Variants in ADGRL4 observed in about 807,000 individuals in gnomAD.
ADGRL4 encodes the protein EGF, latrophilin and seven transmembrane domain containing 1.
In ADGRL4, 90 loss-of-function variants were observed where a neutral mutation model predicts 74.8. That is an observed-to-expected ratio of 1.20 (90% CI 1.02 to 1.43). ADGRL4 has a LOEUF of 1.43. ADGRL4 is among the 40% of genes most tolerant of loss of function. ADGRL4 has a pLI of 0.00. For missense variants in ADGRL4, 881 were observed against 814.3 expected (o/e 1.08, Z -1.00); for synonymous variants, 311 against 279.2 (o/e 1.11, Z -1.14).
chr1:78,922,636 A>G (rs960065935), intron 8 of ADGRL4, among the ~76,000 whole-genome samples: 4 of 152,036 alleles, frequency 2.6e-5, no homozygotes, highest in Admixed American at 1.3e-4. Flanking sequence ...ATTTAGTTAT[A>G]TAACAATTTA....
At chr1:78,928,376 C>T (rs1649162770) in intron 7 of ADGRL4, among the ~76,000 whole-genome samples, 1 of 151,346 alleles carries the variant, frequency 6.6e-6, no homozygotes, top group Non-Finnish European at 1.5e-5. Flanking sequence ...CCTATGATTT[C>T]TCACTAATTT....
intron 2 of ADGRL4, among the ~76,000 whole-genome samples, chr1:78,953,013 T>C (rs1479578705): frequency 1.3e-5 from 2 of 152,180 alleles, no homozygotes; most frequent in Admixed American, 1.3e-4. Context: ...CCGTTTTATA[T>C]TATTATCATT....
chr1:78,997,382 G>T (rs1249231360), intron 2 of ADGRL4, among the ~76,000 whole-genome samples: 1 of 152,096 alleles, frequency 6.6e-6, no homozygotes, highest in Non-Finnish European at 1.5e-5. Flanking sequence ...ATCTTATGGT[G>T]GTTTTTAGGC....
At chr1:78,999,819 T>TCTAA (rs1457392968) in intron 2 of ADGRL4, among the ~76,000 whole-genome samples, 1 of 149,256 alleles carries the variant, frequency 6.7e-6, no homozygotes, top group Non-Finnish European at 1.5e-5. Flanking sequence ...TATCTATCTA[T>TCTAA]CTATCTATCT....
At chr1:78,918,167 C>A (rs1252046650) in intron 10 of ADGRL4, 117 bp from the exon 11 acceptor site, 2 of 730,062 alleles carry the variant, frequency 2.7e-6, no homozygotes, top group Non-Finnish European at 4.5e-6. Context: ...AAGTATGCCA[C>A]TTTATATAAT....
chr1:78,961,768 G>A (rs1462982950), intron 2 of ADGRL4, among the ~76,000 whole-genome samples: 1 of 152,096 alleles, frequency 6.6e-6, no homozygotes, highest in African/African-American at 2.4e-5. Flanking sequence ...AGCTTTGCAG[G>A]CATGTGACTA....
chr1:78,920,316 G>A lies in ADGRL4; in HGVS notation c.1328C>T (p.Ala443Val). ...GAACCAGAAGGTAAAAATGCATATGGCAAGACAAATCAGTGAAATAATTAT... is the reference window on the plus strand; with the variant it reads ...GAACCAGAAGGTAAAAATGCATATGACAAGACAAATCAGTGAAATAATTAT... ...LGIIISLICLAICIFTFWFFS... is the reference protein window; with the variant it reads ...LGIIISLICLVICIFTFWFFS... Residue 443 changes from alanine (A) to valine (V), a missense_variant, in exon 10 of 15, where the codon GCC becomes GTC. Physicochemically the swap from Ala to Val is moderately conservative, Grantham distance 64. Coordinates refer to ENST00000370742, the MANE Select transcript of ADGRL4 (RefSeq NM_022159.4). 6.2e-7 allele frequency: 1 copy of A among 1,610,110 alleles called. No individual in the cohort carries two copies. The highest frequency in any genetic ancestry group is 8.5e-7 in the Non-Finnish European group (1 of 1,177,190).
intron 12 of ADGRL4, among the ~76,000 whole-genome samples, chr1:78,911,936 G>C (rs935622928): frequency 6.6e-6 from 1 of 151,802 alleles, no homozygotes; most frequent in Non-Finnish European, 1.5e-5. Context: ...ACTTAATCTT[G>C]CTTCCTCATT....
At position 79,006,722 on chromosome 1, in the gene ADGRL4, C is replaced by A. The variant is rs368973951; in HGVS notation, c.-68G>T. The stretch of plus-strand genomic sequence containing the variant: ...AGTGAGTGCGGCTGTGGACCCGGGA[C>A]CGGGCGCCGCTGGGCGGGCGCGGCA... On this transcript the variant is annotated 5_prime_UTR_variant, in exon 1 of 15. Transcript: ENST00000370742. 5.1e-4 allele frequency: 713 copies of A among 1,397,012 alleles called. 8 individuals carry two copies. In the East Asian group the frequency reaches 0.018, roughly 36 times the overall value. The allele number at this position is 1,397,012 out of a possible 1,614,324, so 86.5% of individuals were successfully genotyped here.
chr1:78,912,264 A>G (rs770002873), intron 12 of ADGRL4, among the ~76,000 whole-genome samples: 3 of 152,074 alleles, frequency 2.0e-5, no homozygotes, highest in Admixed American at 6.6e-5. Flanking sequence ...GAATCCCTTC[A>G]TCAACTGACT....
At chr1:78,980,765 G>C (rs17406004) in intron 2 of ADGRL4, among the ~76,000 whole-genome samples, 17,819 of 151,928 alleles carry the variant, frequency 0.12, 1,164 homozygotes, top group Middle Eastern at 0.16. Context: ...TCATCCCACA[G>C]AGATGAGAAA....
chr1:78,909,984 A>G (rs1227354854), intron 12 of ADGRL4, among the ~76,000 whole-genome samples: 2 of 151,886 alleles, frequency 1.3e-5, no homozygotes, highest in East Asian at 3.9e-4. Flanking sequence ...TCTAACAAGG[A>G]AAAATGAATA....
At chr1:78,950,226 G>T (rs1649692850) in intron 2 of ADGRL4, among the ~76,000 whole-genome samples, 1 of 152,040 alleles carries the variant, frequency 6.6e-6, no homozygotes, top group Admixed American at 6.6e-5. Context: ...AACAAAAGGG[G>T]TCCCCACAAT....
chr1:78,923,135 T>G (rs1649036937), intron 8 of ADGRL4, among the ~76,000 whole-genome samples: 1 of 151,776 alleles, frequency 6.6e-6, no homozygotes, highest in Non-Finnish European at 1.5e-5. Context: ...TTCTTTTAGT[T>G]CCTAAAAGAG....
chr1:78,901,079 T>C lies in ADGRL4; in HGVS notation c.1750-7890A>G, dbSNP rs764826124. Among the ~76,000 whole-genome samples, 5 of 152,268 alleles carry C rather than the reference T, an allele frequency of 3.3e-5. No homozygotes were observed. The East Asian group carries it at 7.7e-4, about 24-fold the overall frequency. On this transcript the variant is annotated intron_variant, in intron 12 of 14. Coordinates refer to ENST00000370742, the MANE Select transcript of ADGRL4 (RefSeq NM_022159.4). The stretch of plus-strand genomic sequence containing the variant: ...GTCCTTCACATAGGATTGCCAGATG[T>C]TGTAAATAAAAATATAGGATACCAG...
At chr1:78,977,639 A>G (rs569748091) in intron 2 of ADGRL4, among the ~76,000 whole-genome samples, 14 of 152,090 alleles carry the variant, frequency 9.2e-5, no homozygotes, top group African/African-American at 3.1e-4. Context: ...ATGAAATAGA[A>G]CAGAGATCCA....
intron 12 of ADGRL4, 57 bp from the exon 13 acceptor site, chr1:78,893,246 A>G (rs1648327397): frequency 1.0e-6 from 1 of 990,142 alleles, no homozygotes; most frequent in Non-Finnish European, 1.5e-6. Context: ...TTGGATACAT[A>G]TAAAGAAAAT....
At chr1:78,987,916 C>T (rs1650530687) in intron 2 of ADGRL4, among the ~76,000 whole-genome samples, 1 of 151,548 alleles carries the variant, frequency 6.6e-6, no homozygotes, top group South Asian at 2.1e-4. Context: ...TTAATACATA[C>T]TAATCATACC....
At chr1:78,971,996 GCA>G (rs542314727) in intron 2 of ADGRL4, among the ~76,000 whole-genome samples, 369 of 152,094 alleles carry the variant, frequency 2.4e-3, no homozygotes, top group African/African-American at 8.3e-3. Context: ...CTTAGGTGAT[GCA>G]CCTGCCTCAG....
Sources: gnomAD v4.1 joint callset for allele counts (sites outside exome capture counted in the v4.1 genomes callset) on GRCh38, gnomAD v4.1.1 for gene constraint, MANE v1.5 for transcripts, NCBI Gene and HGNC (gene_info 2026-07-23, HGNC 2026-07-21) for gene names.